SEMA3D: variants seen among roughly 807,000 people sequenced by gnomAD.
The protein encoded by SEMA3D is semaphorin 3D.
A neutral mutation model predicts 100.1 loss-of-function variants in SEMA3D; 84 were observed. The ratio of observed to expected loss-of-function variants is 0.84; its 90% CI spans 0.70 to 1.01. SEMA3D has a LOEUF of 1.01. Among genes scored for constraint, SEMA3D ranks in the 50% least tolerant of loss-of-function variants. SEMA3D has a pLI of 0.00. For synonymous variants in SEMA3D, 312 were observed against 320.7 expected, an observed-to-expected ratio of 0.97 and a Z score of 0.29; for missense variants, 875 against 934.1, an observed-to-expected ratio of 0.94 and a Z score of 0.82.
intron 2 of SEMA3D, among the ~76,000 whole-genome samples, chr7:85,152,753 G>A (rs962480375): frequency 5.3e-5 from 8 of 152,098 alleles, no homozygotes; most frequent in Admixed American, 1.3e-4. Flanking sequence ...ATTAGAAACT[G>A]ATAAATTACT....
intron 18 of SEMA3D, among the ~76,000 whole-genome samples, chr7:85,002,426 G>T (rs1584515979): frequency 6.6e-6 from 1 of 152,106 alleles, no homozygotes; most frequent in Admixed American, 6.6e-5. Flanking sequence ...TATTTACAGA[G>T]AATTTTTGCA....
At chr7:85,243,941 T>C in the SEMA3D span, among the ~76,000 whole-genome samples, 6 of 152,208 alleles carry the variant, frequency 3.9e-5, no homozygotes, top group African/African-American at 1.2e-4. Context: ...AAGAAATTAA[T>C]TACTAGGTAT....
chr7:85,180,743 AT>A (rs916486445), intron 1 of SEMA3D, among the ~76,000 whole-genome samples: 1 of 152,150 alleles, frequency 6.6e-6, no homozygotes, highest in Non-Finnish European at 1.5e-5. Context: ...TTAATCTGAC[AT>A]TTTTTATCTC....
intron 17 of SEMA3D, among the ~76,000 whole-genome samples, chr7:85,009,979 A>G (rs1789906641): frequency 6.6e-6 from 1 of 151,838 alleles, no homozygotes; most frequent in Non-Finnish European, 1.5e-5. Context: ...CTGCAAAACA[A>G]TAAAGGAGAT....
At chr7:85,179,656 C>T (rs1057279937) in intron 1 of SEMA3D, among the ~76,000 whole-genome samples, 38 of 128,444 alleles carry the variant, frequency 3.0e-4, no homozygotes, top group South Asian at 2.6e-4. Flanking sequence ...AGACTATGGA[C>T]TTGAACTTTT....
chr7:85,185,945 G>A (rs1005614846), intron 1 of SEMA3D, among the ~76,000 whole-genome samples: 2 of 152,116 alleles, frequency 1.3e-5, no homozygotes, highest in Admixed American at 6.5e-5. Context: ...GAGATCCCCC[G>A]AGTGTTTTGC....
intron 6 of SEMA3D, among the ~76,000 whole-genome samples, chr7:85,070,537 C>G (rs1016099254): frequency 1.3e-5 from 2 of 152,092 alleles, no homozygotes; most frequent in African/African-American, 4.8e-5. Context: ...TTCTAAACTC[C>G]CTCTAGAAGT....
chr7:85,063,248 A>G (rs1412539163), intron 8 of SEMA3D, among the ~76,000 whole-genome samples: 1 of 152,162 alleles, frequency 6.6e-6, no homozygotes, highest in East Asian at 1.9e-4. Context: ...CACAGAATCA[A>G]TTTTAGTCTA....
chr7:85,162,214 C>A (rs1562840771), intron 1 of SEMA3D, among the ~76,000 whole-genome samples: 1 of 152,076 alleles, frequency 6.6e-6, no homozygotes, highest in Non-Finnish European at 1.5e-5. Flanking sequence ...GGGCTAACAA[C>A]AGCAAAGACC....
the SEMA3D span, among the ~76,000 whole-genome samples, chr7:85,192,780 C>T: frequency 6.6e-6 from 1 of 151,826 alleles, no homozygotes; most frequent in Non-Finnish European, 1.5e-5. Flanking sequence ...ATCATAATAC[C>T]ATTAACAAAT....
chr7:85,203,152 T>C, the SEMA3D span, among the ~76,000 whole-genome samples: 3 of 152,156 alleles, frequency 2.0e-5, no homozygotes, highest in East Asian at 3.9e-4. Context: ...TAGCTGAAGA[T>C]TGGAGAGGAT....
At chr7:85,042,643 G>A (rs1449457689) in intron 9 of SEMA3D, among the ~76,000 whole-genome samples, 2 of 152,074 alleles carry the variant, frequency 1.3e-5, no homozygotes, top group African/African-American at 4.8e-5. Flanking sequence ...TGATAAAAAT[G>A]ATAAATCTCT....
Position 85,042,196 on chromosome 7 carries a change from C to T in SEMA3D, c.951G>A (p.Gly317=). 1 of 1,612,762 alleles carries T rather than the reference C, an allele frequency of 6.2e-7. No individual in the cohort carries two copies. Residue 317 remains glycine, a synonymous_variant, in exon 10 of 19, where the codon GGG becomes GGA. Coordinates refer to ENST00000284136, the MANE Select transcript of SEMA3D (RefSeq NM_001384900.1). ...GAAGCTCATCAAAGTAAGTATCTGC[C>T]CCATCACTTCCAGGAATTGAGCAAA... ...RLICSIPGSD[G]ADTYFDELQD...
chr7:85,185,620 G>T (rs1043329612), intron 1 of SEMA3D, among the ~76,000 whole-genome samples: 3 of 152,170 alleles, frequency 2.0e-5, no homozygotes, highest in African/African-American at 7.2e-5. Context: ...CTGCTGGCGC[G>T]CGGCTCTCTT....
At chr7:85,218,368 A>T in the SEMA3D span, among the ~76,000 whole-genome samples, 1 of 152,110 alleles carries the variant, frequency 6.6e-6, no homozygotes, top group Non-Finnish European at 1.5e-5. Context: ...ATAAAAAATA[A>T]TTTTTAAGCC....
chr7:85,184,542 C>G (rs1791489444), intron 1 of SEMA3D, among the ~76,000 whole-genome samples: 1 of 151,502 alleles, frequency 6.6e-6, no homozygotes, highest in South Asian at 2.1e-4. Flanking sequence ...AATAATGACA[C>G]TTGTATCATA....
rs149645242 is a variant in SEMA3D at position 85,015,528 on chromosome 7, A to G, written c.1546-312T>C. Among the ~76,000 whole-genome samples the G allele has an allele frequency of 4.2e-3, 639 of 151,938 alleles. 3 individuals are homozygous for G. Among genetic ancestry groups the G allele is most frequent in the Middle Eastern group, 0.014 (4 of 294 alleles). ...ATTCTTTCTCAATACTAGAAAATGTACTTTGAGAGATTATGTCCAGCACAG... is the reference window on the plus strand; with the variant it reads ...ATTCTTTCTCAATACTAGAAAATGTGCTTTGAGAGATTATGTCCAGCACAG... On this transcript the variant is annotated intron_variant, in intron 15 of 18. Coordinates refer to ENST00000284136, the MANE Select transcript of SEMA3D (RefSeq NM_001384900.1).
chr7:85,071,104 C>T (rs1242768766), intron 6 of SEMA3D, among the ~76,000 whole-genome samples: 2 of 152,152 alleles, frequency 1.3e-5, no homozygotes, highest in African/African-American at 2.4e-5. Context: ...ACACTATTTG[C>T]CCCCCTCAGC....
In SEMA3D at chr7:85,081,527, T is replaced by G. The variant is rs201694001; in HGVS notation, c.365A>C (p.Lys122Thr). The change falls in exon 5 of 19, where the codon AAA becomes ACA. Residue 122 changes from lysine (K) to threonine (T), a missense_variant. Transcript: ENST00000284136. ...ERVELCKLAG[K>T]DANTECANFI... ...CAGTTTCATACTTACATTGGCATCT[T>G]TCCCAGCTAATTTACATAATTCCAC... The G allele has an allele frequency of 6.2e-7, 1 of 1,608,690 alleles. No homozygotes were observed. The highest frequency in any genetic ancestry group is 8.5e-7 in the Non-Finnish European group (1 of 1,175,242).
Sources: gnomAD v4.1 joint callset for allele counts (sites outside exome capture counted in the v4.1 genomes callset) on GRCh38, gnomAD v4.1.1 for gene constraint, MANE v1.5 for transcripts, NCBI Gene and HGNC (gene_info 2026-07-23, HGNC 2026-07-21) for gene names.